ZNF407: variants seen among roughly 807,000 people sequenced by gnomAD.
The protein encoded by ZNF407 is zinc finger protein 407.
A neutral mutation model predicts 131.2 loss-of-function variants in ZNF407; 17 were observed. The ratio of observed to expected loss-of-function variants is 0.13; its 90% CI spans 0.09 to 0.19. The LOEUF (loss-of-function observed/expected upper bound fraction) is 0.19. Among genes scored for constraint, ZNF407 ranks in the 10% least tolerant of loss-of-function variants. The pLI, the probability that ZNF407 is intolerant of heterozygous loss-of-function variation, is 1.00. For missense variants in ZNF407, 2,681 were observed against 2,830.6 expected, an observed-to-expected ratio of 0.95 and a Z score of 1.20; for synonymous variants, 1,156 against 1,062.0, an observed-to-expected ratio of 1.09 and a Z score of -1.72.
At chr18:74,925,506 A>C (rs1288788454) in intron 8 of ZNF407, among the ~76,000 whole-genome samples, 1 of 152,224 alleles carries the variant, frequency 6.6e-6, no homozygotes, top group Non-Finnish European at 1.5e-5. Flanking sequence ...AATTTCCTAC[A>C]TAAAAAAATT....
rs1402043744 is a variant in ZNF407, at chr18:74,634,075, G to C, written c.3056G>C (p.Cys1019Ser). 12 of 1,614,046 alleles carry C rather than the reference G, an allele frequency of 7.4e-6. No individual in the cohort carries two copies. Among genetic ancestry groups the C allele is most frequent in the Non-Finnish European group, 1.0e-5 (12 of 1,179,912 alleles). ...GTTACAGGCACAGGTGAGAATAAGTGTTTGCACTGTGAGTTTAGTGCTCAC... is the reference window on the plus strand; with the variant it reads ...GTTACAGGCACAGGTGAGAATAAGTCTTTGCACTGTGAGTTTAGTGCTCAC... ...RDVTGTGENK[C>S]LHCEFSAHSS... The change falls in exon 2 of 9, where the codon TGT (cysteine) becomes TCT (serine). Residue 1019 changes from cysteine to serine, a missense_variant. By Grantham distance (112) the Cys-to-Ser change is moderately radical (BLOSUM62 -1). This residue lies in a region of ZNF407 where 1,789 missense variants were observed against 1,748.7 expected (regional missense o/e 1.02). Coordinates refer to ENST00000299687, the MANE Select transcript of ZNF407 (RefSeq NM_017757.3).
chr18:74,875,387 G>GT (rs1301858312), intron 4 of ZNF407, among the ~76,000 whole-genome samples: 4 of 152,174 alleles, frequency 2.6e-5, no homozygotes, highest in Non-Finnish European at 4.4e-5. Flanking sequence ...TTTCATAGAT[G>GT]TAATTTTGTT....
rs751058647 is a variant in ZNF407 at position 74,803,721 on chromosome 18, G to GT, written c.4877+22220dup. Among the ~76,000 whole-genome samples, 33 of 152,336 alleles carry GT rather than the reference G, an allele frequency of 2.2e-4. No homozygotes were observed. The South Asian group carries it at 4.1e-3, about 19-fold the overall frequency. On this transcript the variant is annotated intron_variant, in intron 4 of 8. Transcript: ENST00000299687. Reference sequence around the variant, plus strand: ...GATTGCGCATGAAAGAGAAAGTTTAGTATTTCTAGTTTGGTCACATTTATA... The same window carrying GT: ...GATTGCGCATGAAAGAGAAAGTTTAGTTATTTCTAGTTTGGTCACATTTATA...
intron 8 of ZNF407, among the ~76,000 whole-genome samples, chr18:74,938,213 G>GTGA (rs1437008084): frequency 6.6e-6 from 1 of 152,066 alleles, no homozygotes; most frequent in African/African-American, 2.4e-5. Flanking sequence ...GTCTTGATAT[G>GTGA]TCTTTCCACA....
Position 74,635,064 on chromosome 18 carries a change from G to T in ZNF407, c.4045G>T (p.Ala1349Ser), listed in dbSNP as rs763782407. Residue 1349 changes from alanine (A) to serine (S), a missense_variant, in exon 2 of 9, where the codon GCC becomes TCC. Physicochemically the swap from Ala to Ser is moderately conservative, Grantham distance 99 (BLOSUM62 1). Coordinates refer to ENST00000299687, the MANE Select transcript of ZNF407 (RefSeq NM_017757.3). This position sits in a 1 kb window ranked among gnomAD's most constrained non-coding sequence, Gnocchi z 4.7. ...TIISIDDKGQ[A>S]MYSFGRFDSS... is the part of the protein sequence containing the mutation. ...AATTAGTATTGATGATAAAGGGCAG[G>T]CCATGTACAGTTTTGGTCGATTTGA... 52 of 1,613,906 alleles carry T rather than the reference G, an allele frequency of 3.2e-5. 1 individual carries two copies. In the East Asian group the frequency reaches 3.3e-4, roughly 10 times the overall value.
At chr18:74,900,438 C>T (rs1169987562) in intron 7 of ZNF407, among the ~76,000 whole-genome samples, 1 of 152,198 alleles carries the variant, frequency 6.6e-6, no homozygotes, top group Non-Finnish European at 1.5e-5. Flanking sequence ...CCTACCTATA[C>T]ACCCCAAAAG....
intron 3 of ZNF407, among the ~76,000 whole-genome samples, chr18:74,744,088 A>C (rs889561853): frequency 6.6e-6 from 1 of 152,198 alleles, no homozygotes; most frequent in Admixed American, 6.5e-5. Context: ...TTAGTGTTTG[A>C]ACTTCGGCCT....
At chr18:74,887,161 C>G (rs1971321655) in intron 6 of ZNF407, among the ~76,000 whole-genome samples, 2 of 152,138 alleles carry the variant, frequency 1.3e-5, no homozygotes, top group African/African-American at 4.8e-5. Flanking sequence ...AATAGCTTCA[C>G]CTATTTTTTT....
chr18:75,026,226 C>T (rs1973169502), intron 8 of ZNF407, among the ~76,000 whole-genome samples: 1 of 152,216 alleles, frequency 6.6e-6, no homozygotes, highest in African/African-American at 2.4e-5. Flanking sequence ...TGCTAATCTC[C>T]ACATTGAGTG....
At chr18:75,017,341 G>T (rs143801790) in intron 8 of ZNF407, among the ~76,000 whole-genome samples, 20 of 152,100 alleles carry the variant, frequency 1.3e-4, no homozygotes, top group African/African-American at 4.6e-4. Context: ...TAATTGCTCA[G>T]TTTTTAAAGG....
intron 4 of ZNF407, among the ~76,000 whole-genome samples, chr18:74,798,035 C>T (rs749019352): frequency 1.1e-4 from 16 of 152,080 alleles, no homozygotes; most frequent in Non-Finnish European, 1.9e-4. Context: ...GGGAAAGGCG[C>T]AAACGCATTT....
At chr18:75,012,610 C>G (rs1387524915) in intron 8 of ZNF407, among the ~76,000 whole-genome samples, 2 of 151,866 alleles carry the variant, frequency 1.3e-5, no homozygotes, top group South Asian at 4.1e-4. Context: ...AGGTTGGAAG[C>G]AGTTCTGCCC....
chr18:75,033,141 C>T (rs1327252595), intron 8 of ZNF407, among the ~76,000 whole-genome samples: 15 of 80,710 alleles, frequency 1.9e-4, no homozygotes, highest in South Asian at 8.5e-4. Flanking sequence ...AGGGGGAAGA[C>T]AGTATTAGAT....
At position 74,921,726 on chromosome 18, in the gene ZNF407, A is replaced by G. The variant is rs570883561; in HGVS notation, c.5428+1034A>G. Among the ~76,000 whole-genome samples, 322 of 152,318 alleles carry G rather than the reference A, an allele frequency of 2.1e-3. 2 individuals are homozygous for G. The highest frequency in any genetic ancestry group is 7.0e-3 in the African/African-American group (293 of 41,574). On this transcript the variant is annotated intron_variant, in intron 8 of 8. Transcript: ENST00000299687. ...GAATGAACTCTCCCCAGTACCTGCT[A>G]TGCTGCTGTAGGCATGAACATTTAT...
intron 3 of ZNF407, among the ~76,000 whole-genome samples, chr18:74,713,356 ATCTT>A (rs1369148854): frequency 8.6e-5 from 10 of 116,256 alleles, no homozygotes; most frequent in African/African-American, 3.2e-4. Context: ...ACATTTTAGC[ATCTT>A]TTTTTTTTTT....
chr18:74,744,228 G>A (rs1381614321), intron 3 of ZNF407, among the ~76,000 whole-genome samples: 1 of 152,084 alleles, frequency 6.6e-6, no homozygotes, highest in Non-Finnish European at 1.5e-5. Context: ...TGACAAGTGG[G>A]GCACCTCCCC....
chr18:74,984,197 C>T (rs746489830), intron 8 of ZNF407, among the ~76,000 whole-genome samples: 1 of 152,170 alleles, frequency 6.6e-6, no homozygotes, highest in African/African-American at 2.4e-5. Flanking sequence ...TTGTCCAGGT[C>T]GTTAGCCACT....
chr18:74,656,483 GCA>G (rs1985464873), intron 3 of ZNF407, among the ~76,000 whole-genome samples: 1 of 152,128 alleles, frequency 6.6e-6, no homozygotes, highest in Non-Finnish European at 1.5e-5. Flanking sequence ...GGATCAAGGA[GCA>G]CAGATTTTAA....
At chr18:74,753,075 T>C (rs1323175778) in intron 3 of ZNF407, among the ~76,000 whole-genome samples, 1 of 152,228 alleles carries the variant, frequency 6.6e-6, no homozygotes, top group Non-Finnish European at 1.5e-5. Context: ...TATTTCTCCT[T>C]GAAGAGGTCC....
Sources: gnomAD v4.1 joint callset for allele counts (sites outside exome capture counted in the v4.1 genomes callset) on GRCh38, gnomAD v4.1.1 for gene constraint, gnomAD v4.1.1 regional missense constraint, Gnocchi (gnomAD v3.1) non-coding constraint, MANE v1.5 for transcripts, NCBI Gene and HGNC (gene_info 2026-07-23, HGNC 2026-07-21) for gene names.